The following KDM4C variants were observed in gnomAD, a reference collection of about 807,000 sequenced individuals.
KDM4C encodes lysine-specific demethylase 4C.
Under a neutral mutation model 129.3 loss-of-function variants are expected in KDM4C, and 81 were observed. That is an observed-to-expected ratio of 0.63 (90% CI 0.52 to 0.75). KDM4C has a LOEUF of 0.75. Ranked by LOEUF, KDM4C falls within the 30% of genes least tolerant of loss-of-function variation. KDM4C has a pLI of 0.00. For synonymous variants in KDM4C, 573 were observed against 456.1 expected, an observed-to-expected ratio of 1.26 and a Z score of -3.26; for missense variants, 1,457 against 1,304.0, an observed-to-expected ratio of 1.12 and a Z score of -1.81.
chr9:6,774,541 C>G (rs201599816), intron 1 of KDM4C, among the ~76,000 whole-genome samples: 2 of 152,090 alleles, frequency 1.3e-5, no homozygotes, highest in South Asian at 2.1e-4. Context: ...GGCACACACC[C>G]GTAATCCCAG....
At chr9:7,097,602 TCTG>T (rs1453705369) in intron 17 of KDM4C, among the ~76,000 whole-genome samples, 15 of 152,184 alleles carry the variant, frequency 9.9e-5, no homozygotes, top group Admixed American at 9.8e-4. Flanking sequence ...CTCTTCTAGA[TCTG>T]CTCAGTAGAA....
At chr9:7,111,073 G>C (rs1265468515) in intron 18 of KDM4C, among the ~76,000 whole-genome samples, 1 of 152,046 alleles carries the variant, frequency 6.6e-6, no homozygotes, top group East Asian at 1.9e-4. Context: ...CATTCTTGCT[G>C]ACCAGACCTC....
chr9:6,950,331 A>T (rs767781943), intron 8 of KDM4C, among the ~76,000 whole-genome samples: 4 of 152,168 alleles, frequency 2.6e-5, no homozygotes, highest in Non-Finnish European at 5.9e-5. Flanking sequence ...CATGGTAAGT[A>T]GAAATCTATG....
At chr9:6,969,959 A>G (rs763779067) in intron 8 of KDM4C, among the ~76,000 whole-genome samples, 4 of 152,310 alleles carry the variant, frequency 2.6e-5, no homozygotes, top group Non-Finnish European at 5.9e-5. Flanking sequence ...GTAGGATAAC[A>G]AGCTACCGAC....
chr9:7,052,892 A>C (rs77473654), intron 17 of KDM4C, among the ~76,000 whole-genome samples: 65 of 11,324 alleles, frequency 5.7e-3, no homozygotes, highest in African/African-American at 0.018. Flanking sequence ...AGAGAGAGAG[A>C]GAGAGAGAGC....
chr9:6,761,502 G>A (rs568493131), intron 1 of KDM4C, among the ~76,000 whole-genome samples: 45 of 151,796 alleles, frequency 3.0e-4, no homozygotes, highest in African/African-American at 1.1e-3. Context: ...ATGCCTGGCT[G>A]ATTTTTGTGG....
At chr9:6,835,402 A>G in intron 4 of KDM4C, 2 of 1,140,692 alleles carry the variant, frequency 1.8e-6, no homozygotes, top group Non-Finnish European at 1.3e-6. Flanking sequence ...GAAGGAGATC[A>G]CCGCCCTGGC....
chr9:6,924,139 G>C (rs941185004), intron 8 of KDM4C, among the ~76,000 whole-genome samples: 3 of 152,104 alleles, frequency 2.0e-5, no homozygotes, highest in Non-Finnish European at 2.9e-5. Context: ...AAAAAAGTTA[G>C]CTGTGGTTTT....
In KDM4C at chr9:7,128,081, G is replaced by A. The variant is rs775642682; in HGVS notation, c.2626G>A (p.Glu876Lys). ...CTTCTTTTAGAAGTCCAAGGCTTGCGAGAAGGTCATTTCCGTGGGTCAAAC... is the reference window on the plus strand; with the variant it reads ...CTTCTTTTAGAAGTCCAAGGCTTGCAAGAAGGTCATTTCCGTGGGTCAAAC... ...VNPNVKSKAC[E>K]KVISVGQTVI... The change falls in exon 19 of 22, where the codon GAG becomes AAG. Residue 876 changes from glutamate (E) to lysine (K), a missense_variant. Glu to Lys is a moderately conservative substitution (Grantham distance 56). Transcript: ENST00000381309. The A allele has an allele frequency of 2.7e-5, 43 of 1,573,454 alleles. No homozygotes were observed. In the East Asian group the frequency reaches 7.5e-4, roughly 28 times the overall value.
intron 17 of KDM4C, among the ~76,000 whole-genome samples, chr9:7,050,294 G>A (rs1829960537): frequency 6.6e-6 from 1 of 151,846 alleles, no homozygotes. Flanking sequence ...GTGGTAGTTG[G>A]AAGTTTTGTA....
intron 8 of KDM4C, among the ~76,000 whole-genome samples, chr9:6,936,502 G>C (rs944609997): frequency 6.6e-6 from 1 of 152,146 alleles, no homozygotes; most frequent in Non-Finnish European, 1.5e-5. Flanking sequence ...AGTCACTTTT[G>C]ATGGTCCAGT....
intron 4 of KDM4C, among the ~76,000 whole-genome samples, chr9:6,815,919 T>C (rs772915560): frequency 6.6e-6 from 1 of 152,232 alleles, no homozygotes; most frequent in African/African-American, 2.4e-5. Flanking sequence ...CTGTCTTTGA[T>C]GTATGATGCA....
At chr9:6,855,566 C>G (rs1357396236) in intron 5 of KDM4C, among the ~76,000 whole-genome samples, 1 of 150,056 alleles carries the variant, frequency 6.7e-6, no homozygotes, top group African/African-American at 2.4e-5. Flanking sequence ...TCTAGGAAAT[C>G]AGATGCTCCC....
At chr9:7,157,015 C>G (rs1361300580) in intron 19 of KDM4C, among the ~76,000 whole-genome samples, 1 of 152,070 alleles carries the variant, frequency 6.6e-6, no homozygotes, top group East Asian at 1.9e-4. Flanking sequence ...TGTTTGCGTC[C>G]TCTTTTATTT....
chr9:6,757,665 G>C (rs1818455436), upstream of KDM4C: 1 of 985,432 alleles, frequency 1.0e-6, no homozygotes, highest in African/African-American at 1.7e-5. Flanking sequence ...TCGGCGCCCA[G>C]GAGGACGTGT....
rs887647213 is a variant in KDM4C at position 6,990,341 on chromosome 9, G to C, written c.1678-75G>C. The C allele has an allele frequency of 5.2e-6, 5 of 956,706 alleles. 1 individual carries two copies. The highest frequency in any genetic ancestry group is 3.3e-5 in the African/African-American group (2 of 60,616). The allele number at this position is 956,706 out of a possible 1,614,324, so 59.3% of individuals were successfully genotyped here. Reference sequence around the variant, plus strand: ...TCAACATTAAGTGATAAATAATTGTGAACTGTAGGGTTTTTTTTTTTTGTA... The same window carrying C: ...TCAACATTAAGTGATAAATAATTGTCAACTGTAGGGTTTTTTTTTTTTGTA... On this transcript the variant is annotated intron_variant, in intron 11 of 21. Coordinates refer to ENST00000381309, the MANE Select transcript of KDM4C (RefSeq NM_015061.6).
chr9:6,980,394 G>A (rs1230458884), intron 8 of KDM4C, among the ~76,000 whole-genome samples: 1 of 152,144 alleles, frequency 6.6e-6, no homozygotes, highest in Non-Finnish European at 1.5e-5. Context: ...TGTATGTGAT[G>A]TGATGTAGAA....
At chr9:6,738,799 G>A (rs777155926) in intron 1 of KDM4C, among the ~76,000 whole-genome samples, 14 of 150,460 alleles carry the variant, frequency 9.3e-5, no homozygotes, top group African/African-American at 7.3e-5. Flanking sequence ...GGGTTTCACC[G>A]TGATGGCCAG....
At chr9:6,952,897 A>T (rs1430108810) in intron 8 of KDM4C, among the ~76,000 whole-genome samples, 2 of 152,242 alleles carry the variant, frequency 1.3e-5, no homozygotes, top group Non-Finnish European at 2.9e-5. Flanking sequence ...ACATTTGTAC[A>T]GTGAGCACGG....
Sources: allele counts gnomAD v4.1 joint callset (sites outside exome capture counted in the v4.1 genomes callset), GRCh38; gene constraint gnomAD v4.1.1; transcripts MANE v1.5; gene names NCBI Gene and HGNC (gene_info 2026-07-23, HGNC 2026-07-21).